SYNE1: variants seen among roughly 807,000 people sequenced by gnomAD.
The protein encoded by SYNE1 is nesprin-1.
Under a neutral mutation model 1,111.0 loss-of-function variants are expected in SYNE1, and 616 were observed. The ratio of observed to expected loss-of-function variants is 0.55; its 90% confidence interval spans 0.52 to 0.59. The LOEUF (loss-of-function observed/expected upper bound fraction) is 0.59. SYNE1 is among the 20% of genes least tolerant of loss of function. SYNE1 has a pLI of 0.00. For synonymous variants in SYNE1, 3,855 were observed against 3,825.8 expected (o/e 1.01, Z -0.28); for missense variants, 10,006 against 10,417.0 (o/e 0.96, Z 1.72).
At chr6:152,164,055 C>T in intron 131 of SYNE1, 108 bp downstream of exon 131, 2 of 1,476,748 alleles carry the variant, frequency 1.4e-6, no homozygotes, top group Admixed American at 1.7e-5. Context: ...TGCCTAGCTC[C>T]CTGCTGACCT....
chr6:152,384,663 G>A (rs372691930), intron 55 of SYNE1, among the ~76,000 whole-genome samples: 2 of 152,112 alleles, frequency 1.3e-5, no homozygotes, highest in Non-Finnish European at 2.9e-5. Context: ...ATCACCTGAG[G>A]TCAGGAGTTT....
chr6:152,310,643 A>G, intron 88 of SYNE1, 45 bp downstream of exon 88: 1 of 1,609,476 alleles, frequency 6.2e-7, no homozygotes, highest in Non-Finnish European at 8.5e-7. Context: ...ATTTTCTTTC[A>G]ATGATAGACA....
At chr6:152,232,064 A>T (rs2082898062) in intron 113 of SYNE1, 52 bp downstream of exon 113, 6 of 1,376,782 alleles carry the variant, frequency 4.4e-6, no homozygotes, top group Non-Finnish European at 6.2e-6. Flanking sequence ...TAGTTCTTTC[A>T]AATAAAATGG....
chr6:152,598,510 TAA>T (rs2099588291), intron 3 of SYNE1, among the ~76,000 whole-genome samples: 1 of 152,220 alleles, frequency 6.6e-6, no homozygotes, highest in Non-Finnish European at 1.5e-5. Flanking sequence ...GTAATTTAAT[TAA>T]GTCACATTTG....
rs1045317056 is a variant in SYNE1 at position 152,234,745 on chromosome 6, G to C, written c.20452C>G (p.Leu6818Val). Residue 6818 changes from leucine to valine, a missense_variant, in exon 111 of 146, where the codon CTA becomes GTA. Physicochemically the swap from Leu to Val is conservative, Grantham distance 32. Around this residue, in one of 7 missense-constraint regions of SYNE1, gnomAD observed 2,182 missense variants for 2,287.8 expected, o/e 0.95. Coordinates refer to ENST00000367255, the MANE Select transcript of SYNE1 (RefSeq NM_182961.4). ...ACAGATTGCTGAGTCCAAAATTCTA[G>C]CCGGTCTTTTGCAGATTGTAACCAG... ...IHWLQSAKDR[L>V]EFWTQQSVTV... 1.9e-6 allele frequency: 3 copies of C among 1,614,034 alleles called. No individual in the cohort carries two copies. Among genetic ancestry groups the C allele is most frequent in the Non-Finnish European group, 2.5e-6 (3 of 1,180,038 alleles).
chr6:152,510,168 A>G (rs770251667), intron 8 of SYNE1, 25 bp downstream of exon 8: 1 of 1,612,682 alleles, frequency 6.2e-7, no homozygotes, highest in South Asian at 1.1e-5. Context: ...ACGGTTTCAA[A>G]TTTAGACAAA....
At position 152,363,132 on chromosome 6, in the gene SYNE1, C is replaced by T. The variant is rs534310403; in HGVS notation, c.10146-809G>A. On this transcript the variant is annotated intron_variant, in intron 63 of 145. Coordinates refer to ENST00000367255, the MANE Select transcript of SYNE1 (RefSeq NM_182961.4). ...TCCTGACCTTGTGATCTGCCTGCCTCGGCCTCCCAAAGTGCTGGGAATACA... is the reference window on the plus strand; with the variant it reads ...TCCTGACCTTGTGATCTGCCTGCCTTGGCCTCCCAAAGTGCTGGGAATACA... 6.6e-5 allele frequency among the ~76,000 whole-genome samples: 10 copies of T among 150,836 alleles called. No individual in the cohort carries two copies. In the East Asian group the frequency reaches 8.2e-4, roughly 12 times the overall value.
intron 133 of SYNE1, among the ~76,000 whole-genome samples, chr6:152,154,541 T>A (rs1245948894): frequency 1.3e-5 from 2 of 151,902 alleles, no homozygotes; most frequent in African/African-American, 4.8e-5. Flanking sequence ...TTTTATGGTT[T>A]AAAAAAATCA....
intron 130 of SYNE1, among the ~76,000 whole-genome samples, chr6:152,172,079 A>G (rs1168728873): frequency 2.0e-5 from 3 of 152,316 alleles, no homozygotes; most frequent in African/African-American, 7.2e-5. Flanking sequence ...AAAAGGCCAC[A>G]TATTATATGA....
chr6:152,399,283 A>ATTTTTTTAT (rs2097777192), intron 48 of SYNE1, among the ~76,000 whole-genome samples: 1 of 152,182 alleles, frequency 6.6e-6, no homozygotes, highest in Non-Finnish European at 1.5e-5. Flanking sequence ...AAATTTCAGC[A>ATTTTTTTAT]GTTGTTTGGA....
chr6:152,557,528 T>G (rs1004678787), intron 3 of SYNE1, among the ~76,000 whole-genome samples: 3 of 152,152 alleles, frequency 2.0e-5, no homozygotes, highest in Non-Finnish European at 2.9e-5. Flanking sequence ...TAATCAAATT[T>G]TCAAAAGTCA....
chr6:152,361,634 G>A (rs530779838), intron 64 of SYNE1, among the ~76,000 whole-genome samples: 3 of 152,162 alleles, frequency 2.0e-5, no homozygotes, highest in Non-Finnish European at 4.4e-5. Context: ...TAATGGTAAG[G>A]GGGTGATGGA....
At chr6:152,420,749 G>A (rs909711820) in intron 39 of SYNE1, among the ~76,000 whole-genome samples, 6 of 151,912 alleles carry the variant, frequency 3.9e-5, no homozygotes, top group African/African-American at 1.5e-4. Context: ...TTTTAGTGGT[G>A]TTTTGTTTGA....
chr6:152,603,576 GT>G (rs1310978224), intron 3 of SYNE1, among the ~76,000 whole-genome samples: 77 of 152,036 alleles, frequency 5.1e-4, no homozygotes, highest in Non-Finnish European at 7.4e-5. Context: ...GGGTTAGGTA[GT>G]TTGGCTGCAT....
intron 101 of SYNE1, among the ~76,000 whole-genome samples, chr6:152,258,807 C>T (rs905376452): frequency 5.3e-5 from 8 of 149,828 alleles, no homozygotes; most frequent in Non-Finnish European, 7.4e-5. Context: ...TGTAGTGGTG[C>T]GATCTTGGCA....
rs113798370 is a variant in SYNE1, at chr6:152,400,044, T to A, written c.7030-221A>T. The stretch of plus-strand genomic sequence containing the variant: ...GGAACAAACAGCTGTTGGGAAGTAG[T>A]TAGGAGGTGAGGTATAATTTAGCAT... On this transcript the variant is annotated intron_variant, in intron 47 of 145. Transcript: ENST00000367255. Among the ~76,000 whole-genome samples the A allele has an allele frequency of 2.1e-3, 318 of 152,054 alleles. 1 individual carries two copies. The highest frequency in any genetic ancestry group is 7.2e-3 in the African/African-American group (299 of 41,482).
At position 152,133,178 on chromosome 6, in the gene SYNE1, C is replaced by T. The variant is rs2056263650; in HGVS notation, c.26001+98G>A. On this transcript the variant is annotated intron_variant, in intron 143 of 145. Coordinates refer to ENST00000367255, the MANE Select transcript of SYNE1 (RefSeq NM_182961.4). ...GCTGAAAGGAGACACTCCATTCTGA[C>T]AAGTACTATATTTAAAGTCTTTCTA... is the stretch of plus-strand genomic sequence containing the variant. The T allele has an allele frequency of 3.2e-5, 37 of 1,154,176 alleles. 2 individuals are homozygous for T. The South Asian group carries it at 4.2e-4, about 13-fold the overall frequency. The allele number at this position is 1,154,176 out of a possible 1,614,324, so 71.5% of individuals were successfully genotyped here. A position where few individuals can be genotyped will look rare whatever the true frequency, so the allele number is the denominator to read the frequency against.
intron 14 of SYNE1, among the ~76,000 whole-genome samples, chr6:152,475,941 G>A (rs11752725): frequency 0.2 from 30,251 of 152,096 alleles, 3,148 homozygotes; most frequent in East Asian, 0.33. Context: ...TTTGCTTCCC[G>A]TGGCTTCTAA....
At chr6:152,134,052 T>C (rs915328984) in intron 142 of SYNE1, 1 of 157,230 alleles carries the variant, frequency 6.4e-6, no homozygotes, top group Non-Finnish European at 1.4e-5. Flanking sequence ...TGTTAAATGT[T>C]AAGACATAAC....
Sources: gnomAD v4.1 joint callset for allele counts (sites outside exome capture counted in the v4.1 genomes callset) on GRCh38, gnomAD v4.1.1 for gene constraint, gnomAD v4.1.1 regional missense constraint, MANE v1.5 for transcripts, NCBI Gene and HGNC (gene_info 2026-07-23, HGNC 2026-07-21) for gene names.